The following PDGFC variants were observed in gnomAD, a reference collection of about 807,000 sequenced individuals.
PDGFC encodes platelet-derived growth factor C.
PDGFC carries 12 observed loss-of-function variants against 35.5 expected under a neutral mutation model. That is an observed-to-expected ratio of 0.34 (90% CI 0.22 to 0.55). The LOEUF is 0.55. Ranked by LOEUF, PDGFC falls within the 20% of genes least tolerant of loss-of-function variation. The probability of loss-of-function intolerance (pLI) is 0.91; values close to 1 mark genes in which losing one functional copy is unlikely to be tolerated. For synonymous variants in PDGFC, 159 were observed against 148.8 expected (o/e 1.07, Z -0.50); for missense variants, 322 against 412.4 (o/e 0.78, Z 1.90).
chr4:156,906,154 T>C (rs1306059900), intron 1 of PDGFC, among the ~76,000 whole-genome samples: 3 of 152,124 alleles, frequency 2.0e-5, no homozygotes, highest in Non-Finnish European at 4.4e-5. Context: ...AGTAAGAATA[T>C]TTTAAAAACA....
chr4:156,853,898 G>A (rs1441638153), intron 1 of PDGFC, among the ~76,000 whole-genome samples: 2 of 152,164 alleles, frequency 1.3e-5, no homozygotes, highest in Non-Finnish European at 2.9e-5. Flanking sequence ...AGGAGGTTGA[G>A]GCTGCAGTGA....
Position 156,880,725 on chromosome 4 carries a change from T to C in PDGFC, c.119-30309A>G, listed in dbSNP as rs555404013. On this transcript the variant is annotated intron_variant, in intron 1 of 5. Coordinates refer to ENST00000502773, the MANE Select transcript of PDGFC (RefSeq NM_016205.3). ...GACACTGAGGGGTTCAACAGTGCAG[T>C]GGAAGATGTGGTGGAAATAAAAAGA... Among the ~76,000 whole-genome samples the C allele has an allele frequency of 5.7e-4, 87 of 152,228 alleles. No individual in the cohort carries two copies. The South Asian group carries it at 9.7e-3, about 17-fold the overall frequency.
At chr4:156,768,276 A>G (rs540224703) in intron 4 of PDGFC, among the ~76,000 whole-genome samples, 37 of 151,356 alleles carry the variant, frequency 2.4e-4, no homozygotes, top group Non-Finnish European at 4.7e-4. Flanking sequence ...TAAATAGGAA[A>G]CTTTATACAG....
At chr4:156,763,759 T>A (rs1326083832) in intron 5 of PDGFC, among the ~76,000 whole-genome samples, 1 of 152,212 alleles carries the variant, frequency 6.6e-6, no homozygotes, top group East Asian at 1.9e-4. Context: ...ATGGATTAGA[T>A]GTACTTCATA....
intron 1 of PDGFC, among the ~76,000 whole-genome samples, chr4:156,950,820 A>G (rs529918475): frequency 3.7e-4 from 56 of 152,006 alleles, no homozygotes; most frequent in African/African-American, 1.3e-3. Flanking sequence ...TAAATAAGAA[A>G]AAAATTCTAG....
intron 2 of PDGFC, among the ~76,000 whole-genome samples, chr4:156,847,393 G>A (rs1232963605): frequency 6.6e-6 from 1 of 151,612 alleles, no homozygotes; most frequent in Non-Finnish European, 1.5e-5. Context: ...CAAAACATGT[G>A]AACAATCTAA....
intron 2 of PDGFC, among the ~76,000 whole-genome samples, chr4:156,847,445 A>G (rs1015205442): frequency 2.6e-5 from 4 of 151,836 alleles, no homozygotes; most frequent in Non-Finnish European, 3.0e-5. Context: ...GTACTCTTCA[A>G]AACTGTCTAG....
intron 1 of PDGFC, among the ~76,000 whole-genome samples, chr4:156,928,960 C>A (rs1731484277): frequency 1.3e-5 from 2 of 152,068 alleles, no homozygotes; most frequent in African/African-American, 4.8e-5. Flanking sequence ...AATAATAAAA[C>A]ACAACGGTCA....
At chr4:156,918,862 G>T (rs1731208588) in intron 1 of PDGFC, among the ~76,000 whole-genome samples, 1 of 152,076 alleles carries the variant, frequency 6.6e-6, no homozygotes, top group South Asian at 2.1e-4. Flanking sequence ...TCTCAAAAAT[G>T]GTATCACCCA....
chr4:156,939,151 T>C (rs932779160), intron 1 of PDGFC, among the ~76,000 whole-genome samples: 2 of 152,036 alleles, frequency 1.3e-5, no homozygotes, highest in East Asian at 1.9e-4. Context: ...CTAAAGAACT[T>C]TGGCTATTTA....
In PDGFC at chr4:156,850,214, CACTT is replaced by C; in HGVS notation, c.314+3_314+6del. On this transcript the variant is annotated splice_donor_5th_base_variant and intron_variant, in intron 2 of 5. Transcript: ENST00000502773. Reference sequence around the variant, plus strand: ...ACATTGTTGGGATTTCAAGTATGATCACTTACTTGCATATGTCATCTTCTGGGTC... The same window carrying C: ...ACATTGTTGGGATTTCAAGTATGATCACTTGCATATGTCATCTTCTGGGTC... The C allele has an allele frequency of 6.9e-7, 1 of 1,455,828 alleles. No homozygotes were observed. Among genetic ancestry groups the C allele is most frequent in the Non-Finnish European group, 9.3e-7 (1 of 1,075,716 alleles). The allele number at this position is 1,455,828 out of a possible 1,614,324, so 90.2% of individuals were successfully genotyped here. A position where few individuals can be genotyped will look rare whatever the true frequency, so the allele number is the denominator to read the frequency against.
intron 2 of PDGFC, among the ~76,000 whole-genome samples, chr4:156,817,475 G>A (rs993539783): frequency 2.0e-5 from 3 of 151,996 alleles, no homozygotes; most frequent in Admixed American, 2.0e-4. Context: ...GGATGACTAA[G>A]AAAATGCAAA....
At chr4:156,862,388 T>A (rs1297163154) in intron 1 of PDGFC, among the ~76,000 whole-genome samples, 1 of 152,184 alleles carries the variant, frequency 6.6e-6, no homozygotes, top group Non-Finnish European at 1.5e-5. Context: ...CTCTTGAAGA[T>A]GATAAAGAGA....
At chr4:156,845,955 G>A (rs1253888278) in intron 2 of PDGFC, among the ~76,000 whole-genome samples, 1 of 151,686 alleles carries the variant, frequency 6.6e-6, no homozygotes, top group East Asian at 1.9e-4. Context: ...GCAAAATGAA[G>A]AGGAGGGAGC....
In PDGFC at chr4:156,850,236, T is replaced by C; in HGVS notation, c.299A>G (p.Glu100Gly). The C allele has an allele frequency of 6.3e-7, 1 of 1,581,136 alleles. No individual in the cohort carries two copies. The highest frequency in any genetic ancestry group is 8.6e-7 in the Non-Finnish European group (1 of 1,160,868). ...GATCACTTACTTGCATATGTCATCTTCTGGGTCTTCAAGCCCAAATCTTTC... is the reference window on the plus strand; with the variant it reads ...GATCACTTACTTGCATATGTCATCTCCTGGGTCTTCAAGCCCAAATCTTTC... ...FDERFGLEDP[E>G]DDICKYDFVE... Residue 100 changes from glutamate (E) to glycine (G), a missense_variant, in exon 2 of 6, where the codon GAA (glutamate) becomes GGA (glycine). Around this residue, in one of 2 missense-constraint regions of PDGFC, gnomAD observed 120 missense variants for 116.6 expected, o/e 1.03. Coordinates refer to ENST00000502773, the MANE Select transcript of PDGFC (RefSeq NM_016205.3).
At chr4:156,883,439 T>C (rs537159322) in intron 1 of PDGFC, among the ~76,000 whole-genome samples, 153 of 152,326 alleles carry the variant, frequency 1.0e-3, no homozygotes, top group African/African-American at 3.4e-3. Context: ...GCCTGCTACA[T>C]TGCATTCTCT....
At chr4:156,868,149 T>C (rs575944303) in intron 1 of PDGFC, among the ~76,000 whole-genome samples, 1 of 152,298 alleles carries the variant, frequency 6.6e-6, no homozygotes, top group Admixed American at 6.5e-5. Flanking sequence ...ACAAAAGTAA[T>C]GTGATAAAAG....
chr4:156,862,016 C>T (rs1228579862), intron 1 of PDGFC, among the ~76,000 whole-genome samples: 3 of 151,900 alleles, frequency 2.0e-5, no homozygotes, highest in Non-Finnish European at 4.4e-5. Context: ...GAGTTAAAGA[C>T]TTCTCAGATT....
rs1730372190 is a variant in PDGFC at position 156,761,391 on chromosome 4, G to C, written c.*1699C>G. 1 of 152,124 alleles carries C rather than the reference G, an allele frequency of 6.6e-6. No individual in the cohort carries two copies. The highest frequency in any genetic ancestry group is 2.4e-5 in the African/African-American group (1 of 41,404). 9.4% of individuals were successfully genotyped at this position (152,124 alleles called of 1,614,324 possible). On this transcript the variant is annotated 3_prime_UTR_variant, in exon 6 of 6. Transcript: ENST00000502773. ...ATAAACCATACAACTTTCAAGTCAG[G>C]TGAAACTTAAATTACCAGAAATCTG...
Sources: allele counts gnomAD v4.1 joint callset (sites outside exome capture counted in the v4.1 genomes callset), GRCh38; gene constraint gnomAD v4.1.1; regional missense constraint gnomAD v4.1.1; transcripts MANE v1.5; gene names NCBI Gene and HGNC (gene_info 2026-07-23, HGNC 2026-07-21).